CCDC200: variants seen among roughly 807,000 people sequenced by gnomAD.
CCDC200 encodes coiled-coil domain-containing protein 200.
intron 1 of CCDC200, among the ~76,000 whole-genome samples, chr17:43,225,997 G>T (rs2057567403): frequency 6.6e-6 from 1 of 151,968 alleles, no homozygotes. Context: ...CTCCCAAAGT[G>T]CTGGGATGAC....
intron 1 of CCDC200, among the ~76,000 whole-genome samples, chr17:43,227,013 T>C (rs2154582820): frequency 6.6e-6 from 1 of 152,242 alleles, no homozygotes; most frequent in South Asian, 2.1e-4. Flanking sequence ...ATTTTTGCTC[T>C]TGTCACCCAG....
intron 2 of CCDC200, chr17:43,223,902 C>G (rs950713548): frequency 5.9e-5 from 9 of 152,336 alleles, no homozygotes; most frequent in African/African-American, 2.2e-4. Flanking sequence ...CACGCTTACT[C>G]TGGAAGAAGG....
Position 43,225,693 on chromosome 17 carries a change from T to TATATATATATATATATATATATAA in CCDC200, c.106-1145_106-1144insTTATATATATATATATATATATAT, listed in dbSNP as rs1282739067. Among the ~76,000 whole-genome samples the TATATATATATATATATATATATAA allele has an allele frequency of 9.7e-4, 28 of 28,958 alleles. 2 individuals carry two copies. The highest frequency in any genetic ancestry group is 1.3e-3 in the African/African-American group (27 of 21,184). The allele number at this position is 28,958 out of a possible 152,430, so 19.0% of individuals were successfully genotyped here. A position where few individuals can be genotyped will look rare whatever the true frequency, so the allele number is the denominator to read the frequency against. On this transcript the variant is annotated intron_variant, in intron 1 of 3. Transcript: ENST00000636331. The stretch of plus-strand genomic sequence containing the variant: ...AAAAAAAAAAAAGTATATATATATA[T>TATATATATATATATATATATATAA]TGCATGCTACATGTGTAATTTTAAA...
chr17:43,227,291 G>A (rs1411000866), intron 1 of CCDC200, among the ~76,000 whole-genome samples: 1 of 151,286 alleles, frequency 6.6e-6, no homozygotes, highest in Non-Finnish European at 1.5e-5. Context: ...GAGCAAGACT[G>A]GAGCAAGACT....
At chr17:43,226,971 TTTGTTG>T (rs541715006) in intron 1 of CCDC200, among the ~76,000 whole-genome samples, 4 of 152,064 alleles carry the variant, frequency 2.6e-5, no homozygotes, top group Admixed American at 6.6e-5. Flanking sequence ...TATTTATATT[TTTGTTG>T]TTGTTGTTGT....
chr17:43,228,104 ATC>A (rs2057583750), intron 1 of CCDC200, among the ~76,000 whole-genome samples: 3 of 33,930 alleles, frequency 8.8e-5, no homozygotes, highest in South Asian at 2.8e-3. Context: ...GCAAAACTCC[ATC>A]TCAAAAAAAA....
chr17:43,227,427 AC>A (rs2057577316), intron 1 of CCDC200, among the ~76,000 whole-genome samples: 1 of 152,192 alleles, frequency 6.6e-6, no homozygotes, highest in East Asian at 1.9e-4. Context: ...GGAGTTCCAG[AC>A]CAGCCAGGGC....
At chr17:43,227,350 G>T (rs1274083351) in intron 1 of CCDC200, among the ~76,000 whole-genome samples, 13 of 152,140 alleles carry the variant, frequency 8.5e-5, no homozygotes, top group Admixed American at 8.5e-4. Context: ...TTAATTAAAG[G>T]CCAGGCATGG....
intron 1 of CCDC200, among the ~76,000 whole-genome samples, chr17:43,226,534 T>G (rs1211607633): frequency 1.3e-5 from 2 of 152,168 alleles, no homozygotes; most frequent in Non-Finnish European, 2.9e-5. Context: ...TAGCTGGGAC[T>G]ATGGGTGCAC....
chr17:43,226,682 T>C (rs2057571940), intron 1 of CCDC200, among the ~76,000 whole-genome samples: 1 of 152,210 alleles, frequency 6.6e-6, no homozygotes. Context: ...CGTGAGCCAC[T>C]GCACCCAGCC....
At chr17:43,225,484 G>A (rs1156664379) in intron 1 of CCDC200, among the ~76,000 whole-genome samples, 1 of 148,986 alleles carries the variant, frequency 6.7e-6, no homozygotes, top group Non-Finnish European at 1.5e-5. Context: ...CCAACATGGT[G>A]AAACCCCGTC....
intron 1 of CCDC200, among the ~76,000 whole-genome samples, chr17:43,228,108 C>CAA (rs4027812): frequency 9.4e-4 from 19 of 20,146 alleles, no homozygotes; most frequent in African/African-American, 3.0e-3. Context: ...AACTCCATCT[C>CAA]AAAAAAAAAA....
chr17:43,226,580 G>T (rs1460224315), intron 1 of CCDC200, among the ~76,000 whole-genome samples: 2 of 152,056 alleles, frequency 1.3e-5, no homozygotes, highest in African/African-American at 4.8e-5. Context: ...ATTTGTTTTA[G>T]AGACGGATTT....
At chr17:43,223,244 CA>C (rs70964678) in intron 3 of CCDC200, among the ~76,000 whole-genome samples, 1 of 70,912 alleles carries the variant, frequency 1.4e-5, no homozygotes, top group African/African-American at 5.4e-5. Context: ...CAATTTTTTT[CA>C]ATTTTTTTTT....
At chr17:43,225,680 G>GTATGTATATATATATATATATATA (rs2057563041) in intron 1 of CCDC200, among the ~76,000 whole-genome samples, 1 of 16,612 alleles carries the variant, frequency 6.0e-5, no homozygotes, top group Non-Finnish European at 6.8e-4. Flanking sequence ...AAAAAAAAAA[G>GTATGTATATATATATATATATATA]TATATATATA....
intron 3 of CCDC200, among the ~76,000 whole-genome samples, chr17:43,222,953 G>A (rs2057543187): frequency 6.6e-6 from 1 of 151,880 alleles, no homozygotes. Flanking sequence ...ATTTTTAGTA[G>A]AGATGGGGTT....
intron 1 of CCDC200, among the ~76,000 whole-genome samples, chr17:43,225,898 T>A (rs1294087743): frequency 6.7e-6 from 1 of 149,442 alleles, no homozygotes; most frequent in African/African-American, 2.4e-5. Context: ...CACGCCAAGC[T>A]AATTTTTGTA....
intron 1 of CCDC200, among the ~76,000 whole-genome samples, chr17:43,227,830 C>T (rs374464599): frequency 8.5e-5 from 13 of 152,288 alleles, no homozygotes; most frequent in East Asian, 3.9e-4. Context: ...TAACACTGAC[C>T]GGGCATCATG....
intron 1 of CCDC200, chr17:43,225,060 CATT>C (rs2057557715): frequency 6.6e-6 from 1 of 151,952 alleles, no homozygotes; most frequent in Admixed American, 6.6e-5. Context: ...GACAGGGACT[CATT>C]ATGTTGCCCA....
Sources: gnomAD v4.1 joint callset for allele counts (sites outside exome capture counted in the v4.1 genomes callset) on GRCh38, gnomAD v4.1.1 for gene constraint, MANE v1.5 for transcripts, NCBI Gene and HGNC (gene_info 2026-07-23, HGNC 2026-07-21) for gene names.